NPSR1: variants seen among roughly 807,000 people sequenced by gnomAD.
NPSR1 encodes neuropeptide S receptor 1.
In NPSR1, 48 loss-of-function variants were observed where a neutral mutation model predicts 46.9. That is an observed-to-expected ratio of 1.02 (90% CI 0.81 to 1.30). The LOEUF (loss-of-function observed/expected upper bound fraction) is 1.30. NPSR1 is among the 50% of genes most tolerant of loss of function. The pLI is 0.00. For missense variants in NPSR1, 450 were observed against 449.5 expected (o/e 1.00, Z -0.01); for synonymous variants, 176 against 168.1 (o/e 1.05, Z -0.36).
Position 34,775,660 on chromosome 7 carries a change from A to G in NPSR1, c.281-2802A>G, listed in dbSNP as rs148890203. Among the ~76,000 whole-genome samples the G allele has an allele frequency of 2.0e-3, 307 of 152,134 alleles. 1 individual carries two copies. Among genetic ancestry groups the G allele is most frequent in the Non-Finnish European group, 3.5e-3 (241 of 67,958 alleles). ...CTGGCTAAAGGTTTGTCAATTTTGCATGACATTTCAAAAATCCAACTTTTT... is the reference window on the plus strand; with the variant it reads ...CTGGCTAAAGGTTTGTCAATTTTGCGTGACATTTCAAAAATCCAACTTTTT... On this transcript the variant is annotated intron_variant, in intron 2 of 8. Transcript: ENST00000360581.
At chr7:34,869,595 T>C (rs1464213576) in intron 8 of NPSR1, among the ~76,000 whole-genome samples, 1 of 151,784 alleles carries the variant, frequency 6.6e-6, no homozygotes, top group Non-Finnish European at 1.5e-5. Context: ...GGACTTCCTA[T>C]ACCCTTGGGG....
intron 3 of NPSR1, among the ~76,000 whole-genome samples, chr7:34,785,066 A>G (rs2128740169): frequency 6.6e-6 from 1 of 152,104 alleles, no homozygotes; most frequent in South Asian, 2.1e-4. Flanking sequence ...ATGCTGCTAT[A>G]AAGACACATG....
chr7:34,773,692 AT>A (rs1176871318), intron 2 of NPSR1, among the ~76,000 whole-genome samples: 1 of 152,148 alleles, frequency 6.6e-6, no homozygotes, highest in Non-Finnish European at 1.5e-5. Flanking sequence ...CAGTAGCTAG[AT>A]TTACCAGGAT....
intron 2 of NPSR1, chr7:34,719,827 G>A (rs1783759463): frequency 6.6e-6 from 1 of 152,092 alleles, no homozygotes; most frequent in African/African-American, 2.4e-5. Flanking sequence ...TGGGAAAAAT[G>A]AAAACTCATT....
In NPSR1 at chr7:34,828,928, G is replaced by A. The variant is rs568000489; in HGVS notation, c.680+1326G>A. Among the ~76,000 whole-genome samples, 6 of 152,282 alleles carry A rather than the reference G, an allele frequency of 3.9e-5. No homozygotes were observed. The East Asian group carries it at 1.2e-3, about 29-fold the overall frequency. ...AAGGGCTCTTGTTTTCTGCTCCCCT[G>A]ACCCAATGGAAGGTAGCACTATTAC... On this transcript the variant is annotated intron_variant, in intron 5 of 8. Coordinates refer to ENST00000360581, the MANE Select transcript of NPSR1 (RefSeq NM_207172.2).
chr7:34,743,638 C>A (rs1785061840), intron 2 of NPSR1, among the ~76,000 whole-genome samples: 1 of 152,130 alleles, frequency 6.6e-6, no homozygotes, highest in Non-Finnish European at 1.5e-5. Context: ...CGGGGTTTAA[C>A]CATCTTGGCC....
chr7:34,750,498 A>T, intron 2 of NPSR1: 1 of 716,724 alleles, frequency 1.4e-6, no homozygotes, highest in Non-Finnish European at 2.6e-6. Context: ...CAAACAGTGG[A>T]TGGTTTCTTG....
chr7:34,693,002 C>T (rs1311699089), intron 2 of NPSR1, among the ~76,000 whole-genome samples: 1 of 152,152 alleles, frequency 6.6e-6, no homozygotes, highest in African/African-American at 2.4e-5. Context: ...GGTTTAGGAC[C>T]ATCCCCCTTG....
intron 1 of NPSR1, among the ~76,000 whole-genome samples, chr7:34,663,884 T>C (rs1267026452): frequency 2.0e-5 from 3 of 152,210 alleles, no homozygotes; most frequent in Non-Finnish European, 4.4e-5. Context: ...TGCTGACTTG[T>C]TTCTGTCCAT....
intron 5 of NPSR1, among the ~76,000 whole-genome samples, chr7:34,828,944 G>A (rs1443561132): frequency 6.6e-6 from 1 of 152,200 alleles, no homozygotes; most frequent in African/African-American, 2.4e-5. Flanking sequence ...ATGGAAGGTA[G>A]CACTATTACC....
intron 5 of NPSR1, 135 bp from the exon 6 acceptor site, chr7:34,834,249 G>C: frequency 1.4e-6 from 1 of 690,154 alleles, no homozygotes; most frequent in Non-Finnish European, 2.6e-6. Flanking sequence ...TGAACAGCAA[G>C]TATAAGGGGG....
At chr7:34,672,097 C>T (rs896741127) in intron 1 of NPSR1, among the ~76,000 whole-genome samples, 3 of 152,104 alleles carry the variant, frequency 2.0e-5, no homozygotes, top group African/African-American at 7.2e-5. Flanking sequence ...GTTAGTTTTC[C>T]ATATTTCAAG....
At chr7:34,824,230 T>C (rs959312078) in intron 4 of NPSR1, among the ~76,000 whole-genome samples, 1 of 152,232 alleles carries the variant, frequency 6.6e-6, no homozygotes, top group Admixed American at 6.5e-5. Context: ...CTAGTGTTTC[T>C]ATAATCAATG....
intron 2 of NPSR1, among the ~76,000 whole-genome samples, chr7:34,755,915 T>C (rs1785813241): frequency 6.6e-6 from 1 of 152,222 alleles, no homozygotes; most frequent in South Asian, 2.1e-4. Flanking sequence ...GGTATTCTCA[T>C]TATGCCCATG....
At chr7:34,832,748 G>C (rs989702740) in intron 5 of NPSR1, among the ~76,000 whole-genome samples, 1 of 152,134 alleles carries the variant, frequency 6.6e-6, no homozygotes, top group Non-Finnish European at 1.5e-5. Flanking sequence ...TGTGTACATG[G>C]TTGATAACCA....
chr7:34,748,722 G>C (rs1029076469), intron 2 of NPSR1, among the ~76,000 whole-genome samples: 1 of 152,132 alleles, frequency 6.6e-6, no homozygotes, highest in Non-Finnish European at 1.5e-5. Context: ...GTGTGCGTGA[G>C]GTGCTGGGGG....
intron 3 of NPSR1, among the ~76,000 whole-genome samples, chr7:34,780,995 T>C (rs1362057571): frequency 6.6e-6 from 1 of 152,146 alleles, no homozygotes; most frequent in Non-Finnish European, 1.5e-5. Flanking sequence ...CGCTGAGTAA[T>C]GAGATATCCA....
intron 2 of NPSR1, among the ~76,000 whole-genome samples, chr7:34,777,913 A>C (rs2128736452): frequency 6.6e-6 from 1 of 152,268 alleles, no homozygotes; most frequent in South Asian, 2.1e-4. Context: ...TATATTAATT[A>C]AATGGATAGA....
intron 2 of NPSR1, chr7:34,761,320 T>C (rs1786162444): frequency 6.6e-6 from 1 of 152,216 alleles, no homozygotes. Context: ...ATTAGACTCT[T>C]CTACTATAAC....
Sources: gnomAD v4.1 joint callset for allele counts (sites outside exome capture counted in the v4.1 genomes callset) on GRCh38, gnomAD v4.1.1 for gene constraint, MANE v1.5 for transcripts, NCBI Gene and HGNC (gene_info 2026-07-23, HGNC 2026-07-21) for gene names.